Variants in CLGN observed in about 807,000 individuals in gnomAD.
The protein encoded by CLGN is testis tissue sperm-binding protein Li 79P.
A neutral mutation model predicts 79.1 loss-of-function variants in CLGN; 62 were observed. The ratio of observed to expected loss-of-function variants is 0.78; its 90% confidence interval spans 0.64 to 0.97. The LOEUF is 0.97. Among genes scored for constraint, CLGN ranks in the 50% least tolerant of loss-of-function variants. CLGN has a pLI of 0.00. For missense variants in CLGN, 647 were observed against 715.5 expected (o/e 0.90, Z 1.09); for synonymous variants, 225 against 224.7 (o/e 1.00, Z -0.01).
At chr4:140,417,739 G>A (rs1389496794) in intron 1 of CLGN, among the ~76,000 whole-genome samples, 1 of 151,466 alleles carries the variant, frequency 6.6e-6, no homozygotes, top group East Asian at 1.9e-4. Flanking sequence ...ATGCTCATGG[G>A]TAGGAAGAAT....
rs553728164 is a variant in CLGN, at chr4:140,399,042, T to C, written c.695-2A>G. The C allele has an allele frequency of 6.3e-7, 1 of 1,593,552 alleles. No homozygotes were observed. The highest frequency in any genetic ancestry group is 2.2e-5 in the East Asian group (1 of 44,658). On this transcript the variant is annotated splice_acceptor_variant, in intron 7 of 14. Transcript: ENST00000325617. LOFTEE classifies it high-confidence loss of function. ...CAAATGTGTCATCTGGATTCATCAC[T>C]AAGGGACCAATTTAAATAAATTATA... is the stretch of plus-strand genomic sequence containing the variant.
intron 1 of CLGN, among the ~76,000 whole-genome samples, chr4:140,420,787 T>C (rs906925441): frequency 6.6e-6 from 1 of 152,144 alleles, no homozygotes; most frequent in Non-Finnish European, 1.5e-5. Context: ...GTACTGAAAC[T>C]CTGAGAGGTC....
chr4:140,406,216 A>G (rs918219706), intron 4 of CLGN, 133 bp from the exon 5 acceptor site: 2 of 783,476 alleles, frequency 2.6e-6, no homozygotes, highest in Non-Finnish European at 4.1e-6. Context: ...AAATCAGGAA[A>G]TATCTTCAAC....
Position 140,395,980 on chromosome 4 carries a change from TAAAAC to T in CLGN, c.999-16_999-12del, listed in dbSNP as rs763939327. On this transcript the variant is annotated splice_polypyrimidine_tract_variant and intron_variant, in intron 9 of 14. Transcript: ENST00000325617. The stretch of plus-strand genomic sequence containing the variant: ...TCCGTGTCTTCATTCCTTAGGATAT[TAAAAC>T]AAAGCAAATACAGTAACCTCAAGTC... 59 of 1,598,126 alleles carry T rather than the reference TAAAAC, an allele frequency of 3.7e-5. No individual in the cohort carries two copies. The highest frequency in any genetic ancestry group is 4.9e-5 in the Non-Finnish European group (57 of 1,173,810).
Position 140,400,440 on chromosome 4 carries a change from A to C in CLGN, c.611T>G (p.Val204Gly). The stretch of plus-strand genomic sequence containing the variant: ...AGGTTTGGCATGTTTCTCTTCGAAA[A>C]CTCCAGTTTTGGGATGTTTATGTCT... ...IFRHKHPKTG[V>G]FEEKHAKPPD... Residue 204 changes from valine (V) to glycine (G), a missense_variant, in exon 7 of 15, where the codon GTT (valine) becomes GGT (glycine). Transcript: ENST00000325617. 6.2e-7 allele frequency: 1 copy of C among 1,612,324 alleles called. No individual in the cohort carries two copies. The highest frequency in any genetic ancestry group is 8.5e-7 in the Non-Finnish European group (1 of 1,179,060).
intron 4 of CLGN, among the ~76,000 whole-genome samples, chr4:140,406,405 G>A (rs1346870474): frequency 6.6e-6 from 1 of 152,042 alleles, no homozygotes; most frequent in Non-Finnish European, 1.5e-5. Flanking sequence ...TATAAAATGT[G>A]GTTTGTCTCA....
chr4:140,396,182 A>T lies in CLGN; in HGVS notation c.908T>A (p.Ile303Lys). ...AGGTTTAACAACACTTGAATCTTCT[A>T]TTTGGGCAGGTTCACTTTCATCCCT... The part of the protein sequence containing the change: ...EDWDESEPAQ[I>K]EDSSVVKPAG... The change falls in exon 9 of 15, where the codon ATA becomes AAA. Residue 303 changes from isoleucine to lysine, a missense_variant. By Grantham distance (102) the Ile-to-Lys change is moderately radical. Coordinates refer to ENST00000325617, the MANE Select transcript of CLGN (RefSeq NM_004362.3). 1 of 1,614,056 alleles carries T rather than the reference A, an allele frequency of 6.2e-7. No individual in the cohort carries two copies.
At chr4:140,418,264 G>C (rs1729386780) in intron 1 of CLGN, among the ~76,000 whole-genome samples, 1 of 151,140 alleles carries the variant, frequency 6.6e-6, no homozygotes, top group Non-Finnish European at 1.5e-5. Flanking sequence ...AGAAAACCTA[G>C]GCATTACCAT....
Position 140,400,534 on chromosome 4 carries a change from T to C in CLGN, c.517A>G (p.Lys173Glu). The C allele has an allele frequency of 6.3e-7, 1 of 1,589,828 alleles. No homozygotes were observed. The highest frequency in any genetic ancestry group is 8.6e-7 in the Non-Finnish European group (1 of 1,165,124). The change falls in exon 7 of 15, where the codon AAA (lysine) becomes GAA (glutamate). Residue 173 changes from lysine to glutamate, a missense_variant. Transcript: ENST00000325617. ...DDLILENFYD[K>E]TSYIIMFGPD... is the part of the protein sequence containing the mutation. The stretch of plus-strand genomic sequence containing the variant: ...CCAAACATAATGATATAGGATGTTT[T>C]ATCATAAAAGTTTTCCTTCAAAGAG...
intron 5 of CLGN, among the ~76,000 whole-genome samples, chr4:140,405,504 T>A (rs1414611764): frequency 1.3e-5 from 2 of 152,124 alleles, no homozygotes; most frequent in Non-Finnish European, 2.9e-5. Context: ...ATTTTAAGAG[T>A]AAAACAAAAA....
rs754034478 is a variant in CLGN at position 140,395,876 on chromosome 4, A to G, written c.1092T>C (p.Asp364=). 21 of 1,595,084 alleles carry G rather than the reference A, an allele frequency of 1.3e-5. No individual in the cohort carries two copies. In the East Asian group the frequency reaches 4.5e-4, roughly 34 times the overall value. The change falls in exon 10 of 15, where the codon GAT becomes GAC. Residue 364 remains aspartate (D), a synonymous_variant. Transcript: ENST00000325617. ...TCCATACTCCTTTGTATTTTGGGTT[A>G]TCTATCATGGGAGGTTTCCACTCAC... is the stretch of plus-strand genomic sequence containing the variant. The part of the protein sequence containing the change: ...GCGEWKPPMI[D]NPKYKGVWRP...
Position 140,392,575 on chromosome 4 carries a change from A to G in CLGN, c.1491+11T>C. On this transcript the variant is annotated intron_variant, in intron 12 of 14. Coordinates refer to ENST00000325617, the MANE Select transcript of CLGN (RefSeq NM_004362.3). ...GGGTGAAAAAAGTTGAAGGAAATCC[A>G]TTTTCTTTACCTTTACTTTTCTTGG... The G allele has an allele frequency of 2.5e-6, 4 of 1,581,908 alleles. No homozygotes were observed. Among genetic ancestry groups the G allele is most frequent in the Non-Finnish European group, 1.7e-6 (2 of 1,169,412 alleles).
intron 8 of CLGN, 132 bp from the exon 9 acceptor site, chr4:140,396,337 C>T: frequency 1.3e-6 from 1 of 786,038 alleles, no homozygotes; most frequent in South Asian, 1.8e-5. Context: ...ATCTACTACC[C>T]ACCTAAATCT....
In CLGN at chr4:140,421,044, A is replaced by C. The variant is rs569162402; in HGVS notation, c.-10+6493T>G. Among the ~76,000 whole-genome samples the C allele has an allele frequency of 5.9e-5, 9 of 152,250 alleles. No individual in the cohort carries two copies. In the South Asian group the frequency reaches 1.9e-3, roughly 32 times the overall value. On this transcript the variant is annotated intron_variant, in intron 1 of 14. Transcript: ENST00000325617. Reference sequence around the variant, plus strand: ...ACTCTAGGTACTGCATATAAGTGGAATCATACAGTATTGGTCTTTCTGTAA... The same window carrying C: ...ACTCTAGGTACTGCATATAAGTGGACTCATACAGTATTGGTCTTTCTGTAA...
intron 1 of CLGN, among the ~76,000 whole-genome samples, chr4:140,416,472 A>G (rs11728614): frequency 0.59 from 89,949 of 151,260 alleles, 27,799 homozygotes; most frequent in Non-Finnish European, 0.7. Flanking sequence ...AATAAAGAAA[A>G]AAAGAGAGAA....
intron 8 of CLGN, among the ~76,000 whole-genome samples, chr4:140,398,263 C>CT (rs1162212217): frequency 0.15 from 13,465 of 86,908 alleles, 1,679 homozygotes; most frequent in African/African-American, 0.21. Context: ...CAAACATACT[C>CT]TTTTTTTTTT....
intron 5 of CLGN, among the ~76,000 whole-genome samples, chr4:140,403,677 A>G (rs573865494): frequency 2.0e-5 from 3 of 152,364 alleles, no homozygotes; most frequent in African/African-American, 7.2e-5. Flanking sequence ...GGCTGCATAA[A>G]TGTGAACACA....
chr4:140,413,450 T>A (rs1729254425), intron 1 of CLGN, among the ~76,000 whole-genome samples: 1 of 152,188 alleles, frequency 6.6e-6, no homozygotes, highest in Admixed American at 6.5e-5. Flanking sequence ...GGTACTGGGT[T>A]CATCTCACTA....
chr4:140,415,515 G>A (rs1160525567), intron 1 of CLGN, among the ~76,000 whole-genome samples: 2 of 152,020 alleles, frequency 1.3e-5, no homozygotes, highest in Non-Finnish European at 2.9e-5. Context: ...GATCTACCAA[G>A]CAAATGAAAA....
Sources: gnomAD v4.1 joint callset for allele counts (sites outside exome capture counted in the v4.1 genomes callset) on GRCh38, gnomAD v4.1.1 for gene constraint, MANE v1.5 for transcripts, NCBI Gene and HGNC (gene_info 2026-07-23, HGNC 2026-07-21) for gene names.